Variants in ZBTB20 observed in about 807,000 individuals in gnomAD.
ZBTB20 encodes zinc finger and BTB domain containing 20.
ZBTB20 carries 9 observed loss-of-function variants against 56.9 expected under a neutral mutation model. The ratio of observed to expected loss-of-function variants is 0.16; its 90% CI spans 0.10 to 0.28. ZBTB20 has a LOEUF of 0.28. Among genes scored for constraint, ZBTB20 ranks in the 10% least tolerant of loss-of-function variants. The probability of loss-of-function intolerance (pLI) is 1.00; values close to 1 mark genes in which losing one functional copy is unlikely to be tolerated. For missense variants in ZBTB20, 655 were observed against 1,003.0 expected (o/e 0.65, Z 4.69); for synonymous variants, 417 against 420.7 (o/e 0.99, Z 0.11).
intron 5 of ZBTB20, among the ~76,000 whole-genome samples, chr3:114,767,935 G>GA (rs1423708929): frequency 6.6e-6 from 1 of 152,020 alleles, no homozygotes; most frequent in African/African-American, 2.4e-5. Context: ...TGGGGAGAAA[G>GA]AAAAAGCATA....
intron 5 of ZBTB20, among the ~76,000 whole-genome samples, chr3:114,796,775 GT>G (rs2071366448): frequency 6.6e-6 from 1 of 151,910 alleles, no homozygotes; most frequent in Non-Finnish European, 1.5e-5. Context: ...AATAAATTAA[GT>G]TTTGATATGC....
chr3:114,636,882 G>A (rs1513284), intron 6 of ZBTB20, among the ~76,000 whole-genome samples: 50,018 of 150,734 alleles, frequency 0.33, 10,208 homozygotes, highest in African/African-American at 0.57. Context: ...GAGATTAAGA[G>A]GAAGACTATC....
intron 6 of ZBTB20, among the ~76,000 whole-genome samples, chr3:114,622,584 T>C (rs2058394797): frequency 6.6e-6 from 1 of 152,042 alleles, no homozygotes; most frequent in Admixed American, 6.6e-5. Flanking sequence ...GTAGCAGGGG[T>C]CAGTCTCTAT....
chr3:114,413,657 C>A (rs1219220419), intron 7 of ZBTB20, among the ~76,000 whole-genome samples: 2 of 152,094 alleles, frequency 1.3e-5, no homozygotes, highest in Admixed American at 6.6e-5. Context: ...TGATATTAAG[C>A]CTGCTGGGGC....
intron 2 of ZBTB20, among the ~76,000 whole-genome samples, chr3:115,067,366 G>A (rs1231860522): frequency 2.0e-5 from 3 of 151,836 alleles, no homozygotes; most frequent in Non-Finnish European, 1.5e-5. Flanking sequence ...ATAGTTGATC[G>A]AGTTAGTCAA....
At chr3:114,806,223 G>T (rs2072092642) in intron 4 of ZBTB20, among the ~76,000 whole-genome samples, 1 of 151,790 alleles carries the variant, frequency 6.6e-6, no homozygotes, top group South Asian at 2.1e-4. Flanking sequence ...AATATAGGAG[G>T]CTTCTAATTT....
At chr3:114,613,503 T>C (rs1415665533) in intron 6 of ZBTB20, among the ~76,000 whole-genome samples, 4 of 152,044 alleles carry the variant, frequency 2.6e-5, no homozygotes, top group Admixed American at 1.3e-4. Context: ...GGAGGGAAAA[T>C]AGACATGAAA....
At chr3:115,130,212 C>T (rs562964343) in intron 1 of ZBTB20, among the ~76,000 whole-genome samples, 25 of 152,098 alleles carry the variant, frequency 1.6e-4, no homozygotes, top group African/African-American at 5.8e-4. Context: ...TTTTTTTCAT[C>T]TAATATCTTT....
At chr3:114,680,913 T>C (rs2061931637) in intron 6 of ZBTB20, among the ~76,000 whole-genome samples, 1 of 152,152 alleles carries the variant, frequency 6.6e-6, no homozygotes, top group Non-Finnish European at 1.5e-5. Flanking sequence ...CTCACACTAA[T>C]GCATGAGTGC....
intron 6 of ZBTB20, among the ~76,000 whole-genome samples, chr3:114,648,950 T>C (rs149488360): frequency 1.3e-5 from 2 of 152,190 alleles, no homozygotes; most frequent in East Asian, 3.9e-4. Context: ...AAAAATAATA[T>C]AGTTTTAAGA....
intron 1 of ZBTB20, among the ~76,000 whole-genome samples, chr3:115,074,123 A>G (rs2082513081): frequency 6.6e-6 from 1 of 152,110 alleles, no homozygotes; most frequent in Non-Finnish European, 1.5e-5. Context: ...TCTTTCATCC[A>G]TATTTATGCT....
chr3:114,674,522 T>C (rs1193461242), intron 6 of ZBTB20, among the ~76,000 whole-genome samples: 2 of 152,192 alleles, frequency 1.3e-5, no homozygotes, highest in African/African-American at 4.8e-5. Context: ...TATTTTTAAT[T>C]ATTAACTTGT....
chr3:114,516,456 T>C (rs544232300), intron 6 of ZBTB20, among the ~76,000 whole-genome samples: 1 of 152,324 alleles, frequency 6.6e-6, no homozygotes, highest in East Asian at 1.9e-4. Flanking sequence ...CTATACGTTA[T>C]TTTGAGAAGC....
At chr3:114,642,611 A>G (rs1028094482) in intron 6 of ZBTB20, among the ~76,000 whole-genome samples, 1 of 152,028 alleles carries the variant, frequency 6.6e-6, no homozygotes, top group African/African-American at 2.4e-5. Flanking sequence ...TCTAGTTGAG[A>G]TCAGAAAAAG....
At chr3:114,938,361 G>C (rs1465084934) in intron 3 of ZBTB20, among the ~76,000 whole-genome samples, 1 of 146,000 alleles carries the variant, frequency 6.8e-6, no homozygotes, top group African/African-American at 2.8e-5. Flanking sequence ...CCTATGTCCT[G>C]AATGGTATCA....
intron 6 of ZBTB20, among the ~76,000 whole-genome samples, chr3:114,571,048 T>C (rs73224516): frequency 6.6e-6 from 1 of 152,228 alleles, no homozygotes; most frequent in Non-Finnish European, 1.5e-5. Flanking sequence ...GGTTGTGTGT[T>C]GAACTTTGTA....
chr3:114,917,100 A>C (rs953155389), intron 3 of ZBTB20, among the ~76,000 whole-genome samples: 6 of 152,146 alleles, frequency 3.9e-5, no homozygotes, highest in African/African-American at 1.4e-4. Flanking sequence ...GTTTTCAAAC[A>C]GTCCTTCTTC....
At chr3:114,530,687 C>T (rs2047744179) in intron 6 of ZBTB20, among the ~76,000 whole-genome samples, 1 of 152,160 alleles carries the variant, frequency 6.6e-6, no homozygotes, top group Non-Finnish European at 1.5e-5. Flanking sequence ...TATGAAATTA[C>T]AGGTATTAAC....
intron 6 of ZBTB20, among the ~76,000 whole-genome samples, chr3:114,530,267 T>C (rs2047694098): frequency 6.6e-6 from 1 of 152,240 alleles, no homozygotes; most frequent in Admixed American, 6.5e-5. Context: ...CATACACTTT[T>C]GATCTTTTAT....
Sources: allele counts gnomAD v4.1 joint callset (sites outside exome capture counted in the v4.1 genomes callset), GRCh38; gene constraint gnomAD v4.1.1; transcripts MANE v1.5; gene names NCBI Gene and HGNC (gene_info 2026-07-23, HGNC 2026-07-21).